The following PCGF5 variants were observed in gnomAD, a reference collection of about 807,000 sequenced individuals.
The protein encoded by PCGF5 is polycomb group ring finger 5.
A neutral mutation model predicts 44.3 loss-of-function variants in PCGF5; 9 were observed. That is an observed-to-expected ratio of 0.20 (90% confidence interval 0.12 to 0.35). PCGF5 has a LOEUF of 0.35. PCGF5 is among the 10% of genes least tolerant of loss of function. The pLI, the probability that PCGF5 is intolerant of heterozygous loss-of-function variation, is 1.00. For synonymous variants in PCGF5, 95 were observed against 102.5 expected (o/e 0.93, Z 0.44); for missense variants, 146 against 305.3 (o/e 0.48, Z 3.89).
intron 7 of PCGF5, among the ~76,000 whole-genome samples, chr10:91,261,970 C>T (rs542274409): frequency 6.6e-6 from 1 of 152,330 alleles, no homozygotes; most frequent in East Asian, 1.9e-4. Flanking sequence ...TTAATCACAG[C>T]ATAGCTTTTC....
upstream of PCGF5, among the ~76,000 whole-genome samples, chr10:91,219,377 G>A (rs114845551): frequency 4.9e-3 from 750 of 152,270 alleles, 7 homozygotes; most frequent in African/African-American, 0.016. Context: ...ACACAAAATA[G>A]GAACATACCA....
At chr10:91,278,209 A>G (rs937754348) in intron 9 of PCGF5, 60 bp from the exon 10 acceptor site, 3 of 1,363,876 alleles carry the variant, frequency 2.2e-6, no homozygotes, top group East Asian at 2.3e-5. Flanking sequence ...TCTTTCATAT[A>G]TAAACTGTAT....
chr10:91,197,531 T>G (rs1370457832), intron 1 of PCGF5, among the ~76,000 whole-genome samples: 1 of 152,178 alleles, frequency 6.6e-6, no homozygotes, highest in Non-Finnish European at 1.5e-5. Context: ...ATTTGTAAGG[T>G]AGCCCTTTTG....
intron 2 of PCGF5, among the ~76,000 whole-genome samples, chr10:91,225,848 G>T (rs1035503897): frequency 2.6e-5 from 4 of 152,016 alleles, no homozygotes; most frequent in Admixed American, 2.6e-4. Context: ...GCCTTTGGTT[G>T]GGTCTTTGAT....
chr10:91,213,556 C>G (rs1446536809), intron 1 of PCGF5, among the ~76,000 whole-genome samples: 1 of 152,072 alleles, frequency 6.6e-6, no homozygotes, highest in African/African-American at 2.4e-5. Flanking sequence ...CCTCCGCCTC[C>G]CAGGTTCAAG....
At chr10:91,248,836 C>A in intron 5 of PCGF5, 112 bp downstream of exon 5, 1 of 860,886 alleles carries the variant, frequency 1.2e-6, no homozygotes, top group South Asian at 1.6e-5. Flanking sequence ...GCACAAAATT[C>A]ATGCACCCTT....
intron 2 of PCGF5, among the ~76,000 whole-genome samples, chr10:91,238,981 AAG>A (rs1845254047): frequency 6.6e-6 from 1 of 152,032 alleles, no homozygotes; most frequent in Non-Finnish European, 1.5e-5. Flanking sequence ...TAATGGTGAA[AAG>A]AGAGAGTATG....
At chr10:91,242,708 C>T (rs1419423581) in intron 3 of PCGF5, among the ~76,000 whole-genome samples, 2 of 152,152 alleles carry the variant, frequency 1.3e-5, no homozygotes, top group African/African-American at 2.4e-5. Context: ...CGTTTTATCT[C>T]GTTTGCTTTA....
At chr10:91,230,493 A>G (rs1198228177) in intron 2 of PCGF5, among the ~76,000 whole-genome samples, 2 of 152,146 alleles carry the variant, frequency 1.3e-5, no homozygotes, top group Non-Finnish European at 2.9e-5. Context: ...GCAAAGCTAT[A>G]TTTTCTCAGA....
chr10:91,211,577 A>G (rs1194611452), intron 1 of PCGF5, among the ~76,000 whole-genome samples: 1 of 152,212 alleles, frequency 6.6e-6, no homozygotes, highest in Non-Finnish European at 1.5e-5. Context: ...TATCAGGTTC[A>G]TGGGTCTCCA....
upstream of PCGF5, among the ~76,000 whole-genome samples, chr10:91,159,483 A>C (rs1355513851): frequency 1.3e-5 from 2 of 152,152 alleles, no homozygotes; most frequent in African/African-American, 4.8e-5. Flanking sequence ...TCCGAGGCTC[A>C]GTGTCTTTTC....
intron 1 of PCGF5, among the ~76,000 whole-genome samples, chr10:91,193,263 A>G (rs913544973): frequency 5.3e-5 from 8 of 152,210 alleles, no homozygotes; most frequent in Non-Finnish European, 5.9e-5. Context: ...TCCAAAAGGA[A>G]TACATCCCTG....
At chr10:91,227,310 A>G in intron 2 of PCGF5, 1 of 801,248 alleles carries the variant, frequency 1.2e-6, no homozygotes, top group Non-Finnish European at 1.8e-6. Flanking sequence ...TCAAATCTTT[A>G]TTTTTGGCTT....
rs1846411526 is a variant in PCGF5, at chr10:91,279,936, C to T, written c.*1620C>T. The T allele has an allele frequency of 6.6e-6, 1 of 151,998 alleles. No individual in the cohort carries two copies. The highest frequency in any genetic ancestry group is 6.6e-5 in the Admixed American group (1 of 15,254). 9.4% of individuals were successfully genotyped at this position (151,998 alleles called of 1,614,324 possible). The stretch of plus-strand genomic sequence containing the variant: ...TTAATATATTTCACTATGTAAAAGG[C>T]TGAAACTTCATAATTATCTGTTCCT... On this transcript the variant is annotated 3_prime_UTR_variant, in exon 10 of 10. Transcript: ENST00000336126.
At chr10:91,183,706 GTCCTT>G (rs1843865125) in intron 1 of PCGF5, among the ~76,000 whole-genome samples, 1 of 152,180 alleles carries the variant, frequency 6.6e-6, no homozygotes, top group Admixed American at 6.5e-5. Flanking sequence ...GCTGGTAATA[GTCCTT>G]CTTTGCCATA....
upstream of PCGF5, among the ~76,000 whole-genome samples, chr10:91,217,545 G>T (rs1844566378): frequency 6.6e-6 from 1 of 152,164 alleles, no homozygotes; most frequent in Non-Finnish European, 1.5e-5. Flanking sequence ...GAAAACATTT[G>T]TTAGGTATAC....
At chr10:91,255,226 T>C (rs1195374794) in intron 6 of PCGF5, among the ~76,000 whole-genome samples, 3 of 152,080 alleles carry the variant, frequency 2.0e-5, no homozygotes, top group Non-Finnish European at 2.9e-5. Context: ...GTTTCAACTT[T>C]ACAACTGCCT....
chr10:91,260,570 A>C (rs1364989946), intron 6 of PCGF5, among the ~76,000 whole-genome samples: 3 of 152,140 alleles, frequency 2.0e-5, no homozygotes, highest in African/African-American at 7.2e-5. Context: ...CAAATGTCCA[A>C]CAACGATAAA....
At chr10:91,159,224 T>C (rs1175943602), upstream of PCGF5, among the ~76,000 whole-genome samples, 1 of 152,206 alleles carries the variant, frequency 6.6e-6, no homozygotes, top group African/African-American at 2.4e-5. Context: ...TGGTATTTAC[T>C]AGCTGGATAG....
Sources: allele counts gnomAD v4.1 joint callset (sites outside exome capture counted in the v4.1 genomes callset), GRCh38; gene constraint gnomAD v4.1.1; transcripts MANE v1.5; gene names NCBI Gene and HGNC (gene_info 2026-07-23, HGNC 2026-07-21).